Variants in EPM2A observed in about 807,000 individuals in gnomAD.
EPM2A encodes the protein laforin.
EPM2A carries 21 observed loss-of-function variants against 26.5 expected under a neutral mutation model. The ratio of observed to expected loss-of-function variants is 0.79; its 90% CI spans 0.56 to 1.14. EPM2A has a LOEUF of 1.14. EPM2A is among the 50% of genes most tolerant of loss of function. EPM2A has a pLI of 0.00. For missense variants in EPM2A, 458 were observed against 440.8 expected (o/e 1.04, Z -0.35); for synonymous variants, 217 against 177.6 (o/e 1.22, Z -1.76).
chr6:145,727,845 T>G (rs1776288452), intron 1 of EPM2A, among the ~76,000 whole-genome samples: 1 of 152,178 alleles, frequency 6.6e-6, no homozygotes, highest in South Asian at 2.1e-4. Flanking sequence ...TGATATGGTT[T>G]GGATTTTTGT....
intron 1 of EPM2A, among the ~76,000 whole-genome samples, chr6:145,704,848 G>A (rs1454158931): frequency 6.6e-6 from 1 of 152,278 alleles, no homozygotes; most frequent in Admixed American, 6.5e-5. Flanking sequence ...TGAGATTTGT[G>A]TACTATTCCA....
intron 2 of EPM2A, among the ~76,000 whole-genome samples, chr6:145,668,741 T>C (rs1779423747): frequency 6.6e-6 from 1 of 152,186 alleles, no homozygotes; most frequent in Non-Finnish European, 1.5e-5. Flanking sequence ...CTGTGTGAGA[T>C]GACTTTTCCC....
intron 4 of EPM2A, among the ~76,000 whole-genome samples, chr6:145,423,998 A>G (rs1014326438): frequency 6.6e-6 from 1 of 152,218 alleles, no homozygotes; most frequent in Non-Finnish European, 1.5e-5. Context: ...AATGGGGCCC[A>G]TCAACAAGGT....
chr6:145,500,304 CTTT>C (rs1396786810), downstream of EPM2A, among the ~76,000 whole-genome samples: 1 of 152,114 alleles, frequency 6.6e-6, no homozygotes, highest in Non-Finnish European at 1.5e-5. Flanking sequence ...GTAAATTCTT[CTTT>C]GTTTGATTTT....
chr6:145,631,358 A>C (rs555271077), intron 3 of EPM2A: 1 of 152,288 alleles, frequency 6.6e-6, no homozygotes, highest in South Asian at 2.1e-4. Context: ...AACCTCAAGA[A>C]AAGACAGAAA....
rs1220067185 is a variant in EPM2A, at chr6:145,666,816, T to A, written c.476+19306A>T. Among the ~76,000 whole-genome samples the A allele has an allele frequency of 3.4e-4, 51 of 150,658 alleles. 1 individual carries two copies. The highest frequency in any genetic ancestry group is 6.6e-4 in the Non-Finnish European group (45 of 67,952). On this transcript the variant is annotated intron_variant, in intron 2 of 3. Transcript: ENST00000367519. ...GCATGGTACTGGTACCAAAACAGAG[T>A]TATAGATCAATGGAACAGAAAAGAG...
chr6:145,385,961 A>G (rs1778256183), intron 4 of EPM2A, among the ~76,000 whole-genome samples: 2 of 152,102 alleles, frequency 1.3e-5, no homozygotes. Context: ...ACTCATGTAA[A>G]CAAAACTATA....
chr6:145,449,638 A>T (rs1779171516), intron 4 of EPM2A, among the ~76,000 whole-genome samples: 1 of 152,208 alleles, frequency 6.6e-6, no homozygotes, highest in Non-Finnish European at 1.5e-5. Flanking sequence ...TTAGCACTTG[A>T]GCAGGTTTTT....
chr6:145,548,710 T>G (rs191238392), intron 2 of EPM2A, among the ~76,000 whole-genome samples: 5 of 152,228 alleles, frequency 3.3e-5, no homozygotes, highest in African/African-American at 7.2e-5. Context: ...CTCATCTATC[T>G]TCCCTTCTCT....
chr6:145,454,243 T>A (rs891363482), intron 4 of EPM2A, among the ~76,000 whole-genome samples: 3 of 152,194 alleles, frequency 2.0e-5, no homozygotes, highest in Non-Finnish European at 4.4e-5. Context: ...GTAACTAAAT[T>A]GCTGGAAAAA....
chr6:145,449,430 G>A (rs143629136), intron 4 of EPM2A, among the ~76,000 whole-genome samples: 13 of 152,238 alleles, frequency 8.5e-5, no homozygotes, highest in East Asian at 7.7e-4. Context: ...ACAGAGATCC[G>A]TCAACTTGTT....
At chr6:145,724,378 A>G (rs1340045579) in intron 1 of EPM2A, among the ~76,000 whole-genome samples, 1 of 152,184 alleles carries the variant, frequency 6.6e-6, no homozygotes, top group African/African-American at 2.4e-5. Flanking sequence ...TAAATCTAAC[A>G]AAACTGGAGA....
chr6:145,524,119 T>C (rs747166111), intron 2 of EPM2A, among the ~76,000 whole-genome samples: 1 of 152,212 alleles, frequency 6.6e-6, no homozygotes, highest in Non-Finnish European at 1.5e-5. Flanking sequence ...AATGATATTA[T>C]TTTTTCATTT....
intron 1 of EPM2A, among the ~76,000 whole-genome samples, chr6:145,723,466 A>AG (rs1365829115): frequency 5.3e-5 from 8 of 152,152 alleles, no homozygotes; most frequent in African/African-American, 1.9e-4. Context: ...TACCAAAAGA[A>AG]TTAGAAATAA....
At chr6:145,415,255 C>A (rs774271329) in intron 4 of EPM2A, among the ~76,000 whole-genome samples, 3 of 152,202 alleles carry the variant, frequency 2.0e-5, no homozygotes, top group African/African-American at 7.2e-5. Flanking sequence ...TGTGGCCTGA[C>A]AATGTACGGT....
At chr6:145,675,356 G>T (rs1415765860) in intron 2 of EPM2A, among the ~76,000 whole-genome samples, 2 of 152,154 alleles carry the variant, frequency 1.3e-5, no homozygotes, top group African/African-American at 4.8e-5. Context: ...GACCATCGAT[G>T]CTATGAAGAA....
chr6:145,686,578 A>C (rs939477761), intron 1 of EPM2A, among the ~76,000 whole-genome samples: 4 of 152,174 alleles, frequency 2.6e-5, no homozygotes, highest in African/African-American at 9.7e-5. Flanking sequence ...CAGTGCTCTA[A>C]GAGGCCATTA....
intron 1 of EPM2A, among the ~76,000 whole-genome samples, chr6:145,724,647 T>C (rs765855647): frequency 1.3e-5 from 2 of 152,040 alleles, no homozygotes. Context: ...GTGATACTGG[T>C]TTCAAAAAAA....
At chr6:145,406,604 T>C (rs1432849767) in intron 4 of EPM2A, among the ~76,000 whole-genome samples, 3 of 152,166 alleles carry the variant, frequency 2.0e-5, no homozygotes, top group East Asian at 3.9e-4. Flanking sequence ...TAAACTGCAA[T>C]AGCCCAGGCA....
Sources: allele counts gnomAD v4.1 joint callset (sites outside exome capture counted in the v4.1 genomes callset), GRCh38; gene constraint gnomAD v4.1.1; transcripts MANE v1.5; gene names NCBI Gene and HGNC (gene_info 2026-07-23, HGNC 2026-07-21).